Variants in ETV3 observed in about 807,000 individuals in gnomAD.
ETV3 encodes the protein ETS translocation variant 3.
A neutral mutation model predicts 33.0 loss-of-function variants in ETV3; 8 were observed. That is an observed-to-expected ratio of 0.24 (90% confidence interval 0.14 to 0.44). The LOEUF is 0.44. ETV3 is among the 20% of genes least tolerant of loss of function. The probability of loss-of-function intolerance (pLI) is 1.00; values close to 1 mark genes in which losing one functional copy is unlikely to be tolerated. For missense variants in ETV3, 473 were observed against 652.3 expected (o/e 0.73, Z 2.99); for synonymous variants, 222 against 238.9 (o/e 0.93, Z 0.65).
At position 157,125,106 on chromosome 1, in the gene ETV3, C is replaced by T. The variant is rs540027756; in HGVS notation, c.1274G>A (p.Arg425His). 1.0e-5 allele frequency: 16 copies of T among 1,544,838 alleles called. No homozygotes were observed. The highest frequency in any genetic ancestry group is 1.7e-4 in the Middle Eastern group (1 of 5,972). ...IEEEKGTIFARPAAPPIWPSV... is the reference protein window; with the variant it reads ...IEEEKGTIFAHPAAPPIWPSV... Reference sequence around the variant, plus strand: ...GGGCCAGATGGGTGGTGCAGCAGGACGGGCAAAGATGGTGCCTTTTTCCTC... The same window carrying T: ...GGGCCAGATGGGTGGTGCAGCAGGATGGGCAAAGATGGTGCCTTTTTCCTC... Residue 425 changes from arginine to histidine, a missense_variant, in exon 5 of 5, where the codon CGT (arginine) becomes CAT (histidine). Coordinates refer to ENST00000368192, the MANE Select transcript of ETV3 (RefSeq NM_001145312.3). The surrounding 1 kb of genome is among the most constrained non-coding windows in gnomAD (Gnocchi z 4.0).
chr1:157,123,005 G>A lies in ETV3; in HGVS notation c.*1836C>T, dbSNP rs1674737772. ...CCTCACCTGCCCTAACCTTTTCTGA[G>A]TCCCTCCCTCTCTTGTGCAAGCACT... On this transcript the variant is annotated 3_prime_UTR_variant, in exon 5 of 5. Transcript: ENST00000368192. 1 of 152,152 alleles carries A rather than the reference G, an allele frequency of 6.6e-6. No individual in the cohort carries two copies. The highest frequency in any genetic ancestry group is 2.1e-4 in the South Asian group (1 of 4,826). 9.4% of individuals were successfully genotyped at this position (152,152 alleles called of 1,614,324 possible). A position where few individuals can be genotyped will look rare whatever the true frequency, so the allele number is the denominator to read the frequency against.
rs532412274 is a variant in ETV3 at position 157,137,612 on chromosome 1, G to C, written c.-14+704C>G. On this transcript the variant is annotated intron_variant, in intron 1 of 4. Transcript: ENST00000368192. ...GGCAGGAGCTTCCTCTTCCACCTTA[G>C]TGACAATGAGGGAGGAAAAACACGA... is the stretch of plus-strand genomic sequence containing the variant. Among the ~76,000 whole-genome samples the C allele has an allele frequency of 2.0e-5, 3 of 151,178 alleles. No homozygotes were observed. In the Admixed American group the frequency reaches 2.0e-4, roughly 10 times the overall value.
intron 4 of ETV3, among the ~76,000 whole-genome samples, chr1:157,127,116 C>T (rs1005934073): frequency 3.9e-5 from 6 of 152,346 alleles, no homozygotes; most frequent in African/African-American, 1.4e-4. Flanking sequence ...ACCGCTTCGC[C>T]GCATATAAAA....
rs1674721444 is a variant in ETV3 at position 157,122,151 on chromosome 1, G to A, written c.*2690C>T. The A allele has an allele frequency of 1.3e-5, 2 of 152,238 alleles. No homozygotes were observed. Among genetic ancestry groups the A allele is most frequent in the South Asian group, 4.1e-4 (2 of 4,820 alleles). 9.4% of individuals were successfully genotyped at this position (152,238 alleles called of 1,614,324 possible). On this transcript the variant is annotated 3_prime_UTR_variant, in exon 5 of 5. Transcript: ENST00000368192. ...TGTCCCCCTTTTTCCACCTGCTGCT[G>A]GACAGTGATGAGATGCTCACAGAAG...
In ETV3 at chr1:157,125,270, C is replaced by T. The variant is rs975603327; in HGVS notation, c.1110G>A (p.Thr370=). Residue 370 remains threonine (T), a synonymous_variant, in exon 5 of 5, where the codon ACG becomes ACA. Transcript: ENST00000368192. The surrounding 1 kb of genome is among the most constrained non-coding windows in gnomAD (Gnocchi z 4.0). The part of the protein sequence containing the change: ...ESSEESAPVT[T]PTMASIPPRI... ...TTGGGGGAATAGAAGCCATGGTGGGCGTGGTGACTGGTGCTGACTCCTCGC... is the reference window on the plus strand; with the variant it reads ...TTGGGGGAATAGAAGCCATGGTGGGTGTGGTGACTGGTGCTGACTCCTCGC... 19 of 1,551,968 alleles carry T rather than the reference C, an allele frequency of 1.2e-5. No individual in the cohort carries two copies. The highest frequency in any genetic ancestry group is 2.4e-5 in the East Asian group (1 of 40,936).
intron 1 of ETV3, among the ~76,000 whole-genome samples, chr1:157,137,056 G>A (rs1675129339): frequency 6.6e-6 from 1 of 152,188 alleles, no homozygotes; most frequent in African/African-American, 2.4e-5. Context: ...ACAGGAAGGG[G>A]TGAAAAGCAG....
intron 4 of ETV3, among the ~76,000 whole-genome samples, chr1:157,127,216 A>G (rs1674862457): frequency 6.6e-6 from 1 of 152,272 alleles, no homozygotes; most frequent in South Asian, 2.1e-4. Context: ...GATAAAACTC[A>G]AAGACCCTAT....
At chr1:157,132,589 A>G (rs78963427) in intron 4 of ETV3, among the ~76,000 whole-genome samples, 244 of 152,330 alleles carry the variant, frequency 1.6e-3, no homozygotes, top group African/African-American at 5.8e-3. Flanking sequence ...ATATACATCT[A>G]GATTCCCAAT....
chr1:157,124,447 A>C lies in ETV3; in HGVS notation c.*394T>G, dbSNP rs987520474. 6.2e-6 allele frequency: 1 copy of C among 161,050 alleles called. No homozygotes were observed. The highest frequency in any genetic ancestry group is 1.4e-5 in the Non-Finnish European group (1 of 73,958). 10.0% of individuals were successfully genotyped at this position (161,050 alleles called of 1,614,324 possible). A position where few individuals can be genotyped will look rare whatever the true frequency, so the allele number is the denominator to read the frequency against. ...TTTCCCTTTTATGTGTATCTCTTGG[A>C]GTAAAATAAATTCATTAATGGCTTT... is the stretch of plus-strand genomic sequence containing the variant. On this transcript the variant is annotated 3_prime_UTR_variant, in exon 5 of 5. Transcript: ENST00000368192.
chr1:157,126,806 G>T (rs949082296), intron 4 of ETV3, among the ~76,000 whole-genome samples: 3 of 150,546 alleles, frequency 2.0e-5, no homozygotes, highest in Non-Finnish European at 4.4e-5. Flanking sequence ...TGCCCTGGCT[G>T]ACTGTAGGGA....
intron 4 of ETV3, among the ~76,000 whole-genome samples, chr1:157,127,873 C>T (rs1320975766): frequency 6.6e-6 from 1 of 152,068 alleles, no homozygotes; most frequent in East Asian, 1.9e-4. Context: ...TCACAGTTCT[C>T]AACTTCCCCA....
In ETV3 at chr1:157,125,170, T is replaced by C. The variant is rs778841429; in HGVS notation, c.1210A>G (p.Thr404Ala). 1.3e-6 allele frequency: 2 copies of C among 1,551,998 alleles called. No individual in the cohort carries two copies. Among genetic ancestry groups the C allele is most frequent in the Middle Eastern group, 1.7e-4 (1 of 5,996 alleles). ...RQSAREKEEH[T>A]QEEGTVPSRT... Reference sequence around the variant, plus strand: ...CTTGGCACAGTGCCCTCTTCTTGAGTGTGCTCCTCCTTCTCTCGTGCCGAC... The same window carrying C: ...CTTGGCACAGTGCCCTCTTCTTGAGCGTGCTCCTCCTTCTCTCGTGCCGAC... Residue 404 changes from threonine (T) to alanine (A), a missense_variant, in exon 5 of 5, where the codon ACT becomes GCT. This residue lies in a region of ETV3 where 410 missense variants were observed against 520.2 expected (regional missense o/e 0.79). Transcript: ENST00000368192. The surrounding 1 kb of genome is among the most constrained non-coding windows in gnomAD (Gnocchi z 4.0).
In ETV3 at chr1:157,124,982, T is replaced by C. The variant is rs1308071811; in HGVS notation, c.1398A>G (p.Glu466=). The change falls in exon 5 of 5, where the codon GAA becomes GAG. Residue 466 remains glutamate (E), a synonymous_variant. Transcript: ENST00000368192. ...GAAGCTTGGGGGGCATCAGTGCATC[T>C]TCTTTCTTCTCAGGTGCACTGGGCT... ...GKEPSAPEKK[E]DALMPPKLRL... is the part of the protein sequence containing the mutation. The C allele has an allele frequency of 7.1e-6, 11 of 1,551,856 alleles. No homozygotes were observed. The South Asian group carries it at 1.3e-4, about 18-fold the overall frequency.
At chr1:157,138,161 C>A (rs528572002) in intron 1 of ETV3, among the ~76,000 whole-genome samples, 155 bp downstream of exon 1, 1 of 152,140 alleles carries the variant, frequency 6.6e-6, no homozygotes, top group South Asian at 2.1e-4. Flanking sequence ...CAGACAGACA[C>A]GGGATCCCAC....
At chr1:157,130,229 A>G (rs1363446432) in intron 4 of ETV3, among the ~76,000 whole-genome samples, 1 of 152,188 alleles carries the variant, frequency 6.6e-6, no homozygotes, top group East Asian at 1.9e-4. Context: ...AAGGAGACAT[A>G]ATAAGCAGTA....
At chr1:157,132,496 C>G (rs1399546061) in intron 4 of ETV3, among the ~76,000 whole-genome samples, 5 of 152,116 alleles carry the variant, frequency 3.3e-5, no homozygotes, top group African/African-American at 7.2e-5. Context: ...GGGTCAAAGA[C>G]AGAAGAACAA....
intron 4 of ETV3, among the ~76,000 whole-genome samples, chr1:157,132,549 A>G (rs1674992240): frequency 6.6e-6 from 1 of 152,204 alleles, no homozygotes; most frequent in African/African-American, 2.4e-5. Flanking sequence ...AAGGGGTATG[A>G]AAACCAACAA....
chr1:157,126,514 C>T (rs1053731193), intron 4 of ETV3, among the ~76,000 whole-genome samples: 2 of 152,142 alleles, frequency 1.3e-5, no homozygotes, highest in African/African-American at 2.4e-5. Context: ...TATAAACATT[C>T]GAGAACATTT....
chr1:157,137,309 T>C (rs753810341), intron 1 of ETV3, among the ~76,000 whole-genome samples: 17 of 152,006 alleles, frequency 1.1e-4, no homozygotes, highest in Non-Finnish European at 2.2e-4. Flanking sequence ...TTAGCAGGCA[T>C]CTGGAGAGAA....
Sources: allele counts gnomAD v4.1 joint callset (sites outside exome capture counted in the v4.1 genomes callset), GRCh38; gene constraint gnomAD v4.1.1; regional missense constraint gnomAD v4.1.1; non-coding constraint Gnocchi (gnomAD v3.1); transcripts MANE v1.5; gene names NCBI Gene and HGNC (gene_info 2026-07-23, HGNC 2026-07-21).